Variants in PARP3 observed in about 807,000 individuals in gnomAD.
PARP3 encodes poly(ADP-ribose) polymerase family member 3.
In PARP3, 46 loss-of-function variants were observed where a neutral mutation model predicts 58.2. The ratio of observed to expected loss-of-function variants is 0.79; its 90% confidence interval spans 0.62 to 1.01. The LOEUF is 1.01. PARP3 is among the 50% of genes least tolerant of loss of function. The pLI, the probability that PARP3 is intolerant of heterozygous loss-of-function variation, is 0.00. For synonymous variants in PARP3, 252 were observed against 266.4 expected (o/e 0.95, Z 0.53); for missense variants, 663 against 683.9 (o/e 0.97, Z 0.34).
At chr3:51,945,748 C>G (rs1577659273) in intron 7 of PARP3, 104 bp downstream of exon 7, 8 of 1,527,840 alleles carry the variant, frequency 5.2e-6, no homozygotes, top group Non-Finnish European at 2.7e-6. Flanking sequence ...GCCTTCTCTT[C>G]CTGTGTCTCC....
Position 51,944,518 on chromosome 3 carries a change from G to A in PARP3, c.441G>A (p.Pro147=), listed in dbSNP as rs180868380. Residue 147 remains proline (P), a synonymous_variant, in exon 4 of 11, where the codon CCG becomes CCA. Transcript: ENST00000398755. The surrounding 1 kb of genome is among the most constrained non-coding windows in gnomAD (Gnocchi z 4.2). ...WAERDHFVSH[P]GKYTLIEVQA... is the part of the protein sequence containing the mutation. ...AGCGGGACCACTTTGTGTCTCACCC[G>A]GGCAAGTACACACTTATCGAAGTAC... 2.7e-4 allele frequency: 435 copies of A among 1,614,190 alleles called. No individual in the cohort carries two copies. The highest frequency in any genetic ancestry group is 3.4e-4 in the Non-Finnish European group (404 of 1,180,032).
chr3:51,946,869 G>A lies in PARP3; in HGVS notation c.1276+526G>A, dbSNP rs1699689835. 6.6e-6 allele frequency among the ~76,000 whole-genome samples: 1 copy of A among 152,270 alleles called. No homozygotes were observed. Among genetic ancestry groups the A allele is most frequent in the Non-Finnish European group, 1.5e-5 (1 of 68,042 alleles). On this transcript the variant is annotated intron_variant, in intron 9 of 10. Transcript: ENST00000398755. This position sits in a 1 kb window ranked among gnomAD's most constrained non-coding sequence, Gnocchi z 4.6. ...ACACTTCCTGATACTGGAGCTCAGAGCAATGCCTAGCCGGGGGCAGGGTGG... is the reference window on the plus strand; with the variant it reads ...ACACTTCCTGATACTGGAGCTCAGAACAATGCCTAGCCGGGGGCAGGGTGG...
Position 51,942,661 on chromosome 3 carries a change from C to A in PARP3, c.-50C>A. On this transcript the variant is annotated 5_prime_UTR_variant, in exon 1 of 11. Coordinates refer to ENST00000398755, the MANE Select transcript of PARP3 (RefSeq NM_001003931.4). Reference sequence around the variant, plus strand: ...GACTGCCCTGGGAGGCGCACACAACCAGGCCGGGTGGCAGCCAGGACCTCT... The same window carrying A: ...GACTGCCCTGGGAGGCGCACACAACAAGGCCGGGTGGCAGCCAGGACCTCT... 2.2e-6 allele frequency: 3 copies of A among 1,385,606 alleles called. No individual in the cohort carries two copies. The highest frequency in any genetic ancestry group is 2.8e-5 in the African/African-American group (2 of 70,280). The allele number at this position is 1,385,606 out of a possible 1,614,324, so 85.8% of individuals were successfully genotyped here.
Position 51,945,170 on chromosome 3 carries a change from G to GC in PARP3, c.812dup (p.Pro272AlafsTer6). On this transcript the variant is annotated frameshift_variant, in exon 6 of 11. Transcript: ENST00000398755. LOFTEE classifies it high-confidence loss of function. ...TCCCGCACAACTTCGGCCACAGCCA[G>GC]CCCCCGCCCATCAATTCCCCTGAGC... 3 of 1,614,048 alleles carry GC rather than the reference G, an allele frequency of 1.9e-6. No individual in the cohort carries two copies. In the South Asian group the frequency reaches 3.3e-5, roughly 18 times the overall value.
In PARP3 at chr3:51,944,073, C is replaced by A. The variant is rs1559746934; in HGVS notation, c.184-16C>A. The A allele has an allele frequency of 1.2e-6, 2 of 1,612,206 alleles. No homozygotes were observed. Among genetic ancestry groups the A allele is most frequent in the Admixed American group, 3.3e-5 (2 of 59,926 alleles). On this transcript the variant is annotated splice_polypyrimidine_tract_variant and intron_variant, in intron 2 of 10. Transcript: ENST00000398755. This position sits in a 1 kb window ranked among gnomAD's most constrained non-coding sequence, Gnocchi z 4.2. Reference sequence around the variant, plus strand: ...TGACCCCAGCCAGCCTGCCCCCCACCTCCCCTCTGGCCCAGGTGTATGAGG... The same window carrying A: ...TGACCCCAGCCAGCCTGCCCCCCACATCCCCTCTGGCCCAGGTGTATGAGG...
intron 9 of PARP3, 150 bp from the exon 10 acceptor site, chr3:51,947,590 G>A (rs1559748927): frequency 1.3e-6 from 1 of 785,192 alleles, no homozygotes; most frequent in Non-Finnish European, 2.0e-6. Context: ...GAGCAGGCCG[G>A]GACAAGGAGG....
Position 51,946,138 on chromosome 3 carries a change from T to C in PARP3, c.1099-28T>C, listed in dbSNP as rs1455206583. On this transcript the variant is annotated intron_variant, in intron 8 of 10. Coordinates refer to ENST00000398755, the MANE Select transcript of PARP3 (RefSeq NM_001003931.4). The surrounding 1 kb of genome is among the most constrained non-coding windows in gnomAD (Gnocchi z 4.6). ...CGACTGAGTGCTCGGGTGGCATCACTCCCATTTCTCACTTCCTCTCCACTC... is the reference window on the plus strand; with the variant it reads ...CGACTGAGTGCTCGGGTGGCATCACCCCCATTTCTCACTTCCTCTCCACTC... 1.3e-6 allele frequency: 2 copies of C among 1,568,400 alleles called. No homozygotes were observed. Among genetic ancestry groups the C allele is most frequent in the Non-Finnish European group, 1.7e-6 (2 of 1,153,792 alleles).
chr3:51,946,184 C>A lies in PARP3; in HGVS notation c.1117C>A (p.His373Asn). ...CACTCAGGAAGACAGATTCCAGGCC[C>A]ACTCCAAACTGGGTAATCGGAAGCT... ...QEGEEDRFQA[H>N]SKLGNRKLLW... The change falls in exon 9 of 11, where the codon CAC becomes AAC. Residue 373 changes from histidine to asparagine, a missense_variant. Physicochemically the swap from His to Asn is moderately conservative, Grantham distance 68. Coordinates refer to ENST00000398755, the MANE Select transcript of PARP3 (RefSeq NM_001003931.4). This position sits in a 1 kb window ranked among gnomAD's most constrained non-coding sequence, Gnocchi z 4.6. The A allele has an allele frequency of 6.2e-7, 1 of 1,603,642 alleles. No individual in the cohort carries two copies. The highest frequency in any genetic ancestry group is 8.5e-7 in the Non-Finnish European group (1 of 1,174,240).
Position 51,943,556 on chromosome 3 carries a change from G to C in PARP3, c.183+18G>C. The C allele has an allele frequency of 6.2e-7, 1 of 1,600,220 alleles. No homozygotes were observed. Among genetic ancestry groups the C allele is most frequent in the Admixed American group, 1.7e-5 (1 of 58,136 alleles). ...GGACCCAGGTGAGCTGCAGTCCCCA[G>C]TCAGGCCCAGAGCCTGCCCACTGAT... On this transcript the variant is annotated intron_variant, in intron 2 of 10. Transcript: ENST00000398755.
rs370384763 is a variant in PARP3 at position 51,947,857 on chromosome 3, G to T, written c.1394G>T (p.Gly465Val). Reference sequence around the variant, plus strand: ...CCCAGCTTGAAGAGCCCACCTCCTGGCTTCGACAGTGTCATTGCCCGAGGC... The same window carrying T: ...CCCAGCTTGAAGAGCCCACCTCCTGTCTTCGACAGTGTCATTGCCCGAGGC... Reference protein sequence around the residue: ...DNPSLKSPPPGFDSVIARGHT... With the variant: ...DNPSLKSPPPVFDSVIARGHT... Residue 465 changes from glycine to valine, a missense_variant, in exon 10 of 11, where the codon GGC becomes GTC. Coordinates refer to ENST00000398755, the MANE Select transcript of PARP3 (RefSeq NM_001003931.4). 1 of 1,614,094 alleles carries T rather than the reference G, an allele frequency of 6.2e-7. No individual in the cohort carries two copies. The highest frequency in any genetic ancestry group is 1.3e-5 in the African/African-American group (1 of 75,014).
intron 6 of PARP3, 96 bp from the exon 7 acceptor site, chr3:51,945,399 C>T (rs1256065662): frequency 3.4e-6 from 5 of 1,461,710 alleles, no homozygotes; most frequent in Non-Finnish European, 4.6e-6. Context: ...AGGTGGGACA[C>T]ACAGGTGGGG....
At chr3:51,942,775 C>CT (rs1699575551) in intron 1 of PARP3, 67 bp downstream of exon 1, 3 of 1,541,722 alleles carry the variant, frequency 1.9e-6, no homozygotes, top group Non-Finnish European at 1.8e-6. Flanking sequence ...CCTTTGCCCT[C>CT]TATCAGTTCA....
Position 51,944,452 on chromosome 3 carries a change from T to C in PARP3, c.375T>C (p.Phe125=), listed in dbSNP as rs755331065. Residue 125 remains phenylalanine, a synonymous_variant, in exon 4 of 11, where the codon TTT becomes TTC. Transcript: ENST00000398755. This position sits in a 1 kb window ranked among gnomAD's most constrained non-coding sequence, Gnocchi z 4.2. The stretch of plus-strand genomic sequence containing the variant: ...GGCTAGAAGATGCAAAGAAGGACTT[T>C]GAGAAGAAATTTCGGGAAAAGACCA... ...FTRLEDAKKD[F]EKKFREKTKN... 2.5e-5 allele frequency: 40 copies of C among 1,613,972 alleles called. No individual in the cohort carries two copies. The East Asian group carries it at 7.1e-4, about 29-fold the overall frequency.
chr3:51,947,280 C>A (rs546470225), intron 9 of PARP3, among the ~76,000 whole-genome samples: 2 of 152,334 alleles, frequency 1.3e-5, no homozygotes, highest in Middle Eastern at 3.4e-3. Context: ...GAGCAAGGAC[C>A]AAGGATTCAT....
chr3:51,947,984 G>C, intron 10 of PARP3, 89 bp downstream of exon 10: 2 of 1,304,822 alleles, frequency 1.5e-6, no homozygotes, highest in South Asian at 2.6e-5. Flanking sequence ...TGTGAAGAGG[G>C]ACAAAAAGAA....
Position 51,944,653 on chromosome 3 carries a change from C to T in PARP3, c.501+75C>T, listed in dbSNP as rs181348475. 2.4e-5 allele frequency: 38 copies of T among 1,581,414 alleles called. No individual in the cohort carries two copies. The highest frequency in any genetic ancestry group is 8.6e-5 in the Admixed American group (5 of 58,378). ...CGTTGGAGAGTTCCCGCTGGTTGGG[C>T]TCTGCCACTGCCCAGCTGCGCAGCC... On this transcript the variant is annotated intron_variant, in intron 4 of 10. Transcript: ENST00000398755. This position sits in a 1 kb window ranked among gnomAD's most constrained non-coding sequence, Gnocchi z 4.2.
intron 10 of PARP3, 26 bp downstream of exon 10, chr3:51,947,921 C>G (rs1235101520): frequency 6.2e-7 from 1 of 1,609,714 alleles, no homozygotes. Context: ...CTGTACAGCC[C>G]AAGGAGAGAG....
In PARP3 at chr3:51,947,130, C is replaced by T. The variant is rs141485315; in HGVS notation, c.1277-610C>T. On this transcript the variant is annotated intron_variant, in intron 9 of 10. Coordinates refer to ENST00000398755, the MANE Select transcript of PARP3 (RefSeq NM_001003931.4). ...GGCATGTAGGAGATGGGATGGGGAG[C>T]GTGTGGGAAAGGGTCAAGGCTGTCT... Among the ~76,000 whole-genome samples the T allele has an allele frequency of 3.7e-3, 564 of 152,190 alleles. 5 individuals are homozygous for T. Among genetic ancestry groups the T allele is most frequent in the African/African-American group, 0.013 (530 of 41,534 alleles).
chr3:51,947,521 T>G, intron 9 of PARP3: 1 of 565,812 alleles, frequency 1.8e-6, no homozygotes, highest in South Asian at 2.2e-5. Flanking sequence ...TTGCTGACCT[T>G]GGTGAGGACA....
Sources: allele counts gnomAD v4.1 joint callset (sites outside exome capture counted in the v4.1 genomes callset), GRCh38; gene constraint gnomAD v4.1.1; non-coding constraint Gnocchi (gnomAD v3.1); transcripts MANE v1.5; gene names NCBI Gene and HGNC (gene_info 2026-07-23, HGNC 2026-07-21).